Variants in RERE observed in about 807,000 individuals in gnomAD.
RERE encodes arginine-glutamic acid dipeptide repeats protein.
Under a neutral mutation model 146.1 loss-of-function variants are expected in RERE, and 40 were observed. The ratio of observed to expected loss-of-function variants is 0.27; its 90% CI spans 0.21 to 0.36. The LOEUF is 0.36. Among genes scored for constraint, RERE ranks in the 10% least tolerant of loss-of-function variants. The pLI, the probability that RERE is intolerant of heterozygous loss-of-function variation, is 1.00. For synonymous variants in RERE, 1,003 were observed against 866.0 expected, an observed-to-expected ratio of 1.16 and a Z score of -2.78; for missense variants, 1,933 against 2,138.7, an observed-to-expected ratio of 0.90 and a Z score of 1.90.
chr1:8,379,195 C>A (rs1275288503), intron 12 of RERE, among the ~76,000 whole-genome samples: 1 of 152,108 alleles, frequency 6.6e-6, no homozygotes, highest in East Asian at 1.9e-4. Flanking sequence ...GCCAGCAGAA[C>A]ACAAAGGAAG....
intron 3 of RERE, among the ~76,000 whole-genome samples, chr1:8,621,427 G>A (rs1295495699): frequency 2.0e-5 from 3 of 152,108 alleles, no homozygotes; most frequent in East Asian, 1.9e-4. Flanking sequence ...TCCTCCCCAC[G>A]CCTCACCTCA....
At chr1:8,570,279 G>GT in intron 4 of RERE, among the ~76,000 whole-genome samples, 1 of 151,780 alleles carries the variant, frequency 6.6e-6, no homozygotes, top group Non-Finnish European at 1.5e-5. Flanking sequence ...GGAGGTGAAA[G>GT]TGAAATTGCG....
chr1:8,770,818 G>C (rs1472403561), intron 1 of RERE, among the ~76,000 whole-genome samples: 1 of 152,192 alleles, frequency 6.6e-6, no homozygotes, highest in African/African-American at 2.4e-5. Context: ...TTTATGAAAA[G>C]ATATTGACAA....
Position 8,755,537 on chromosome 1 carries a change from C to T in RERE, c.-145+61623G>A, listed in dbSNP as rs568772348. ...AAGAGGGCCACTCAAGTGAGGGTCT[C>T]TTTGGTTTAAGCTTCATGGACAATC... On this transcript the variant is annotated intron_variant, in intron 1 of 22. Transcript: ENST00000400908. Among the ~76,000 whole-genome samples the T allele has an allele frequency of 2.0e-5, 3 of 152,260 alleles. No homozygotes were observed. The East Asian group carries it at 5.8e-4, about 29-fold the overall frequency.
At chr1:8,716,092 C>T (rs1639758924) in intron 1 of RERE, among the ~76,000 whole-genome samples, 1 of 151,188 alleles carries the variant, frequency 6.6e-6, no homozygotes, top group South Asian at 2.1e-4. Flanking sequence ...CTGCAGTGAA[C>T]AGTGATCAAG....
At chr1:8,532,400 T>A (rs1040038630) in intron 7 of RERE, among the ~76,000 whole-genome samples, 3 of 144,950 alleles carry the variant, frequency 2.1e-5, no homozygotes, top group South Asian at 2.4e-4. Context: ...TGATTCATTT[T>A]TCTTTTTCTC....
chr1:8,586,042 T>C (rs1210248386), intron 4 of RERE, among the ~76,000 whole-genome samples: 1 of 152,180 alleles, frequency 6.6e-6, no homozygotes, highest in Non-Finnish European at 1.5e-5. Flanking sequence ...ATCCAGCTAC[T>C]AATACACAAG....
At chr1:8,400,591 G>C (rs1643215485) in intron 12 of RERE, among the ~76,000 whole-genome samples, 1 of 151,896 alleles carries the variant, frequency 6.6e-6, no homozygotes, top group East Asian at 1.9e-4. Flanking sequence ...CATATATAGG[G>C]TCTTTGTCCA....
chr1:8,613,547 T>A (rs994542270), intron 4 of RERE, among the ~76,000 whole-genome samples: 1 of 152,160 alleles, frequency 6.6e-6, no homozygotes, highest in Non-Finnish European at 1.5e-5. Context: ...CCACAGCCCA[T>A]CTGGAGCACT....
At chr1:8,639,840 CTA>C (rs1355892203) in intron 2 of RERE, among the ~76,000 whole-genome samples, 1 of 152,074 alleles carries the variant, frequency 6.6e-6, no homozygotes, top group Non-Finnish European at 1.5e-5. Flanking sequence ...TGCACAGTAG[CTA>C]TGTTTTATAA....
At chr1:8,655,650 G>A (rs1638263504) in intron 2 of RERE, among the ~76,000 whole-genome samples, 1 of 152,180 alleles carries the variant, frequency 6.6e-6, no homozygotes, top group Non-Finnish European at 1.5e-5. Context: ...ATTTATGATT[G>A]AAGATTAAAA....
At chr1:8,612,345 T>A (rs1451808550) in intron 4 of RERE, among the ~76,000 whole-genome samples, 3 of 152,186 alleles carry the variant, frequency 2.0e-5, no homozygotes, top group Non-Finnish European at 2.9e-5. Context: ...CAACTGGATC[T>A]GATTCAGATC....
At chr1:8,566,136 T>A (rs1239394434) in intron 4 of RERE, among the ~76,000 whole-genome samples, 1 of 152,192 alleles carries the variant, frequency 6.6e-6, no homozygotes, top group African/African-American at 2.4e-5. Flanking sequence ...AACCTTGGTG[T>A]ATTTTAGTGT....
chr1:8,471,770 T>A (rs1319677791), intron 10 of RERE, among the ~76,000 whole-genome samples: 1 of 152,134 alleles, frequency 6.6e-6, no homozygotes, highest in East Asian at 1.9e-4. Flanking sequence ...TGTCTAGACC[T>A]CCTGAAGTGC....
intron 1 of RERE, among the ~76,000 whole-genome samples, chr1:8,768,383 C>T (rs1484399217): frequency 6.6e-6 from 1 of 152,162 alleles, no homozygotes; most frequent in Non-Finnish European, 1.5e-5. Context: ...ATTCATTATA[C>T]TTTAATATCA....
intron 12 of RERE, among the ~76,000 whole-genome samples, chr1:8,380,540 C>T (rs893369032): frequency 3.3e-5 from 5 of 151,944 alleles, no homozygotes; most frequent in East Asian, 3.9e-4. Flanking sequence ...GTAGGGATGG[C>T]GTTTCACCAT....
At chr1:8,594,250 A>G (rs1646529232) in intron 4 of RERE, among the ~76,000 whole-genome samples, 1 of 152,208 alleles carries the variant, frequency 6.6e-6, no homozygotes, top group Non-Finnish European at 1.5e-5. Context: ...AGACCCGCAA[A>G]CAAAAGCCAG....
intron 1 of RERE, among the ~76,000 whole-genome samples, chr1:8,718,184 T>C (rs1639797667): frequency 6.6e-6 from 1 of 152,220 alleles, no homozygotes; most frequent in African/African-American, 2.4e-5. Context: ...GCACAATGTA[T>C]GAAAGAAAGT....
Position 8,360,765 on chromosome 1 carries a change from C to A in RERE, c.2742G>T (p.Arg914=). The stretch of plus-strand genomic sequence containing the variant: ...AGGGCGCTGGTGGCAGGGGCTGCTC[C>A]CGTGGAGGCTGTTGGGACTGCAGCG... The part of the protein sequence containing the change: ...QSALQSQQPP[R]EQPLPPAPLA... The change falls in exon 18 of 23, where the codon CGG becomes CGT. Residue 914 remains arginine, a synonymous_variant. Transcript: ENST00000400908. 6.3e-7 allele frequency: 1 copy of A among 1,598,674 alleles called. No individual in the cohort carries two copies. Among genetic ancestry groups the A allele is most frequent in the East Asian group, 2.2e-5 (1 of 44,604 alleles).
Sources: gnomAD v4.1 joint callset for allele counts (sites outside exome capture counted in the v4.1 genomes callset) on GRCh38, gnomAD v4.1.1 for gene constraint, MANE v1.5 for transcripts, NCBI Gene and HGNC (gene_info 2026-07-23, HGNC 2026-07-21) for gene names.